The following DLGAP1 variants were observed in gnomAD, a reference collection of about 807,000 sequenced individuals.
DLGAP1 encodes the protein DLG associated protein 1.
A neutral mutation model predicts 90.8 loss-of-function variants in DLGAP1; 11 were observed. The observed-to-expected ratio is 0.12, with a 90% CI of 0.08 to 0.20. DLGAP1 has a LOEUF of 0.20. Ranked by LOEUF, DLGAP1 falls within the 10% of genes least tolerant of loss-of-function variation. DLGAP1 has a pLI of 1.00. For missense variants in DLGAP1, 1,050 were observed against 1,333.8 expected (o/e 0.79, Z 3.31); for synonymous variants, 558 against 540.7 (o/e 1.03, Z -0.44).
intron 3 of DLGAP1, among the ~76,000 whole-genome samples, chr18:3,958,217 T>A (rs1170378673): frequency 6.6e-6 from 1 of 151,980 alleles, no homozygotes; most frequent in African/African-American, 2.4e-5. Flanking sequence ...CCTTATTACA[T>A]ACTTTTAAAA....
At chr18:3,895,319 A>ACACACACACAT (rs1555703517) in intron 3 of DLGAP1, among the ~76,000 whole-genome samples, 4 of 148,358 alleles carry the variant, frequency 2.7e-5, no homozygotes, top group East Asian at 2.0e-4. Flanking sequence ...ACACACACAC[A>ACACACACACAT]CATCATCATC....
chr18:4,328,314 C>T (rs1170192784), intron 1 of DLGAP1, among the ~76,000 whole-genome samples: 4 of 151,904 alleles, frequency 2.6e-5, no homozygotes, highest in Non-Finnish European at 5.9e-5. Flanking sequence ...TTTTCGTTCC[C>T]TACATCTCTT....
At chr18:4,430,583 C>T (rs541866690) in intron 1 of DLGAP1, 1 of 148,488 alleles carries the variant, frequency 6.7e-6, no homozygotes, top group Non-Finnish European at 1.5e-5. Flanking sequence ...TTTCTTTTCC[C>T]GCAGTTTTAT....
chr18:4,287,432 A>G (rs2079726513), intron 1 of DLGAP1, among the ~76,000 whole-genome samples: 1 of 152,218 alleles, frequency 6.6e-6, no homozygotes, highest in Non-Finnish European at 1.5e-5. Context: ...ACTATTTACA[A>G]TAGCAAAGAC....
intron 6 of DLGAP1, among the ~76,000 whole-genome samples, chr18:3,731,147 T>C (rs1264069759): frequency 6.6e-6 from 1 of 152,158 alleles, no homozygotes; most frequent in East Asian, 1.9e-4. Context: ...TGTATGTCTA[T>C]ATACATCTGC....
At position 3,815,590 on chromosome 18, in the gene DLGAP1, T is replaced by A. The variant is rs996307586; in HGVS notation, c.958-1317A>T. The stretch of plus-strand genomic sequence containing the variant: ...TACCACAACAAAATCATATTGTCAG[T>A]GCACTGCTCTTCTTTTTTCTTTCCA... On this transcript the variant is annotated intron_variant, in intron 4 of 12. Coordinates refer to ENST00000315677, the MANE Select transcript of DLGAP1 (RefSeq NM_004746.4). Among the ~76,000 whole-genome samples the A allele has an allele frequency of 4.6e-5, 7 of 152,304 alleles. No homozygotes were observed. The East Asian group carries it at 9.7e-4, about 21-fold the overall frequency.
chr18:4,023,059 A>T (rs535081212), intron 2 of DLGAP1, among the ~76,000 whole-genome samples: 1 of 151,656 alleles, frequency 6.6e-6, no homozygotes, highest in Admixed American at 6.6e-5. Context: ...CCATTTCTAT[A>T]TATCTTCGCC....
At chr18:3,578,986 C>T (rs1272750236) in intron 8 of DLGAP1, among the ~76,000 whole-genome samples, 5 of 152,100 alleles carry the variant, frequency 3.3e-5, no homozygotes, top group African/African-American at 1.2e-4. Flanking sequence ...CAAGTAAAAA[C>T]TTTTCTCCCC....
rs116245499 is a variant in DLGAP1 at position 4,131,408 on chromosome 18, G to T, written c.-159+19772C>A. ...AATACTTTAAAGCACAGGTTAGAAA[G>T]CTTTTTCTCAAAGGGCCAGAGAGTA... On this transcript the variant is annotated intron_variant, in intron 2 of 12. Transcript: ENST00000315677. Among the ~76,000 whole-genome samples the T allele has an allele frequency of 2.7e-3, 412 of 152,306 alleles. 1 individual carries two copies. Among genetic ancestry groups the T allele is most frequent in the Middle Eastern group, 0.01 (3 of 294 alleles).
At chr18:3,551,612 T>TTC (rs2053434058) in intron 9 of DLGAP1, among the ~76,000 whole-genome samples, 1 of 57,072 alleles carries the variant, frequency 1.8e-5, no homozygotes, top group Non-Finnish European at 4.3e-5. Context: ...TTTCTTTCTT[T>TTC]CTTTCTTTTT....
At chr18:3,758,091 A>G (rs1264907396) in intron 5 of DLGAP1, among the ~76,000 whole-genome samples, 2 of 145,726 alleles carry the variant, frequency 1.4e-5, no homozygotes, top group Non-Finnish European at 3.0e-5. Flanking sequence ...TGGGTGACAG[A>G]GCGAGACTCT....
Position 4,378,290 on chromosome 18 carries a change from T to C in DLGAP1, c.-267+76716A>G, listed in dbSNP as rs1445698683. 6.6e-6 allele frequency among the ~76,000 whole-genome samples: 1 copy of C among 152,010 alleles called. No individual in the cohort carries two copies. The highest frequency in any genetic ancestry group is 1.5e-5 in the Non-Finnish European group (1 of 67,988). ...TTACATTTTATTTTTCACATTTAGT[T>C]TTGTGTTACTTACATTGAACATGTA... is the stretch of plus-strand genomic sequence containing the variant. On this transcript the variant is annotated intron_variant, in intron 1 of 12. Transcript: ENST00000315677. This position sits in a 1 kb window ranked among gnomAD's most constrained non-coding sequence, Gnocchi z 4.5.
intron 1 of DLGAP1, among the ~76,000 whole-genome samples, chr18:4,341,130 C>T (rs959874595): frequency 1.3e-5 from 2 of 151,914 alleles, no homozygotes; most frequent in African/African-American, 4.8e-5. Flanking sequence ...TCTCAATTCA[C>T]ACTAAGAACT....
At chr18:4,310,081 C>T (rs1013170444) in intron 1 of DLGAP1, among the ~76,000 whole-genome samples, 2 of 152,090 alleles carry the variant, frequency 1.3e-5, no homozygotes, top group Non-Finnish European at 2.9e-5. Context: ...AATGGGAAAG[C>T]TTCAATTAAC....
intron 5 of DLGAP1, among the ~76,000 whole-genome samples, chr18:3,790,797 G>A (rs952682521): frequency 2.6e-5 from 4 of 152,176 alleles, no homozygotes; most frequent in African/African-American, 9.7e-5. Flanking sequence ...AGGCAGTGGG[G>A]AAGGTTTCCT....
In DLGAP1 at chr18:3,614,686, C is replaced by CAA. The variant is rs35764644; in HGVS notation, c.1592-32440_1592-32439dup. On this transcript the variant is annotated intron_variant, in intron 7 of 12. Transcript: ENST00000315677. ...AGAAACCCCGCCTCTACTAAAAATA[C>CAA]AAAAAAAAAAAAAAAAGAGCCAGGC... Among the ~76,000 whole-genome samples the CAA allele has an allele frequency of 9.8e-4, 103 of 104,996 alleles. 3 individuals are homozygous for CAA. The highest frequency in any genetic ancestry group is 3.4e-3 in the African/African-American group (92 of 27,340). 68.9% of individuals were successfully genotyped at this position (104,996 alleles called of 152,430 possible).
chr18:3,911,725 A>C (rs984105842), intron 3 of DLGAP1, among the ~76,000 whole-genome samples: 5 of 152,228 alleles, frequency 3.3e-5, no homozygotes, highest in African/African-American at 1.2e-4. Context: ...CAGGAACTGA[A>C]ATGAACAAGA....
At chr18:3,918,067 T>G (rs2072186535) in intron 3 of DLGAP1, among the ~76,000 whole-genome samples, 1 of 152,148 alleles carries the variant, frequency 6.6e-6, no homozygotes, top group South Asian at 2.1e-4. Flanking sequence ...AATCTGACAA[T>G]GAACTAGAGG....
intron 3 of DLGAP1, among the ~76,000 whole-genome samples, chr18:3,929,937 G>T (rs1029152554): frequency 2.0e-5 from 3 of 152,154 alleles, no homozygotes; most frequent in African/African-American, 7.2e-5. Flanking sequence ...TCTGAAGCTT[G>T]CAGTCTTGTA....
Sources: gnomAD v4.1 joint callset for allele counts (sites outside exome capture counted in the v4.1 genomes callset) on GRCh38, gnomAD v4.1.1 for gene constraint, Gnocchi (gnomAD v3.1) non-coding constraint, MANE v1.5 for transcripts, NCBI Gene and HGNC (gene_info 2026-07-23, HGNC 2026-07-21) for gene names.